HDAC2: variants seen among roughly 807,000 people sequenced by gnomAD.
HDAC2 encodes the protein YY1-associated factor 1.
A neutral mutation model predicts 68.5 loss-of-function variants in HDAC2; 5 were observed. That is an observed-to-expected ratio of 0.07 (90% CI 0.04 to 0.15). The LOEUF (loss-of-function observed/expected upper bound fraction) is 0.15. HDAC2 is among the 10% of genes least tolerant of loss of function. The probability of loss-of-function intolerance (pLI) is 1.00; values close to 1 mark genes in which losing one functional copy is unlikely to be tolerated. For synonymous variants in HDAC2, 182 were observed against 191.3 expected (o/e 0.95, Z 0.40); for missense variants, 291 against 600.8 (o/e 0.48, Z 5.39).
At chr6:113,970,689 A>G in intron 1 of HDAC2, 168 bp downstream of exon 1, 1 of 1,356,732 alleles carries the variant, frequency 7.4e-7, no homozygotes, top group Non-Finnish European at 9.4e-7. Context: ...CTGCGCCAGG[A>G]AGAGGGTCTC....
At chr6:113,969,634 T>C (rs567609467) in intron 1 of HDAC2, 1 of 152,318 alleles carries the variant, frequency 6.6e-6, no homozygotes, top group Admixed American at 6.5e-5. Flanking sequence ...TACCAAGCCT[T>C]TGTGAAATCT....
At chr6:113,961,842 G>A (rs1202673123) in intron 1 of HDAC2, among the ~76,000 whole-genome samples, 1 of 152,126 alleles carries the variant, frequency 6.6e-6, no homozygotes, top group African/African-American at 2.4e-5. Context: ...ATTCTATGAG[G>A]TTTCGTGGGA....
At chr6:113,955,375 G>A (rs928093268) in intron 5 of HDAC2, among the ~76,000 whole-genome samples, 18 of 151,936 alleles carry the variant, frequency 1.2e-4, no homozygotes, top group African/African-American at 3.4e-4. Flanking sequence ...CACCACGCCC[G>A]GCTAATTTTT....
chr6:113,956,294 T>C (rs1582489648), intron 4 of HDAC2, 143 bp from the exon 5 acceptor site: 2 of 676,450 alleles, frequency 3.0e-6, no homozygotes, highest in South Asian at 4.5e-5. Flanking sequence ...ATAACACAAA[T>C]AGGAGTTACT....
chr6:113,946,354 T>C (rs529086540), intron 8 of HDAC2: 132 of 381,314 alleles, frequency 3.5e-4, no homozygotes, highest in Non-Finnish European at 6.0e-4. Context: ...AAAATTAAGA[T>C]ATAACTAGCT....
intron 8 of HDAC2, chr6:113,946,721 A>G (rs980322087): frequency 6.6e-6 from 1 of 152,132 alleles, no homozygotes; most frequent in Non-Finnish European, 1.5e-5. Flanking sequence ...AACCTAACAT[A>G]AAAGTAAATA....
rs2114629384 is a variant in HDAC2 at position 113,970,641 on chromosome 6, G to A, written c.52+216C>T. 3.0e-6 allele frequency: 4 copies of A among 1,348,574 alleles called. No homozygotes were observed. In the East Asian group the frequency reaches 9.1e-5, roughly 31 times the overall value. The allele number at this position is 1,348,574 out of a possible 1,614,324, so 83.5% of individuals were successfully genotyped here. On this transcript the variant is annotated intron_variant, in intron 1 of 13. Coordinates refer to ENST00000519065, the MANE Select transcript of HDAC2 (RefSeq NM_001527.4). ...GGGGGAGAGGCAGGAGACAAGACGG[G>A]CGGGCCCCCTGATTCCCGCCCGCAG...
At chr6:113,958,182 C>G (rs909963338) in intron 3 of HDAC2, among the ~76,000 whole-genome samples, 5 of 152,118 alleles carry the variant, frequency 3.3e-5, no homozygotes, top group African/African-American at 1.2e-4. Flanking sequence ...ATACTTTTAA[C>G]CTGTACAAGA....
At chr6:113,943,162 G>C (rs1562140197) in intron 12 of HDAC2, among the ~76,000 whole-genome samples, 189 bp downstream of exon 12, 1 of 151,992 alleles carries the variant, frequency 6.6e-6, no homozygotes, top group Non-Finnish European at 1.5e-5. Context: ...AAAGCAAATA[G>C]GAACAATAAC....
At chr6:113,957,328 T>C (rs1776579125) in intron 3 of HDAC2, 1 of 152,288 alleles carries the variant, frequency 6.6e-6, no homozygotes, top group Admixed American at 6.5e-5. Context: ...ATGGCAGATG[T>C]ATGTAACCCT....
rs756178304 is a variant in HDAC2 at position 113,958,784 on chromosome 6, T to G, written c.166-18A>C. Reference sequence around the variant, plus strand: ...TGGGGCCTCTGTGAAGAGAAATAAATGTCAGAACTGTGGAATTACAACCGG... The same window carrying G: ...TGGGGCCTCTGTGAAGAGAAATAAAGGTCAGAACTGTGGAATTACAACCGG... On this transcript the variant is annotated intron_variant, in intron 2 of 13. Coordinates refer to ENST00000519065, the MANE Select transcript of HDAC2 (RefSeq NM_001527.4). 3.0e-6 allele frequency: 4 copies of G among 1,352,856 alleles called. No individual in the cohort carries two copies. In the Admixed American group the frequency reaches 5.1e-5, roughly 17 times the overall value. The allele number at this position is 1,352,856 out of a possible 1,614,324, so 83.8% of individuals were successfully genotyped here.
rs762732448 is a variant in HDAC2 at position 113,936,668 on chromosome 6, C to T, written c.*4390G>A. ...AAAAATTTAACACTTCCCCTGGCAC[C>T]ACTCTCACCCATCTATCTACCTTTA... is the stretch of plus-strand genomic sequence containing the variant. On this transcript the variant is annotated 3_prime_UTR_variant, in exon 14 of 14. Transcript: ENST00000519065. 1 of 152,212 alleles carries T rather than the reference C, an allele frequency of 6.6e-6. No homozygotes were observed. Among genetic ancestry groups the T allele is most frequent in the Non-Finnish European group, 1.5e-5 (1 of 68,100 alleles). 9.4% of individuals were successfully genotyped at this position (152,212 alleles called of 1,614,324 possible).
In HDAC2 at chr6:113,971,062, G is replaced by A; in HGVS notation, c.-154C>T. The A allele has an allele frequency of 6.4e-7, 1 of 1,559,098 alleles. No homozygotes were observed. The highest frequency in any genetic ancestry group is 1.2e-5 in the South Asian group (1 of 85,366). ...GGCAGGCCGGTGGGAGGAGAGGAGGGGGCGCCGGGAAGGCTCGGTACCACC... is the reference window on the plus strand; with the variant it reads ...GGCAGGCCGGTGGGAGGAGAGGAGGAGGCGCCGGGAAGGCTCGGTACCACC... On this transcript the variant is annotated 5_prime_UTR_variant, in exon 1 of 14. Coordinates refer to ENST00000519065, the MANE Select transcript of HDAC2 (RefSeq NM_001527.4).
intron 1 of HDAC2, among the ~76,000 whole-genome samples, chr6:113,967,598 T>C (rs1776854329): frequency 6.6e-6 from 1 of 152,214 alleles, no homozygotes; most frequent in South Asian, 2.1e-4. Flanking sequence ...ATAAACCCTA[T>C]TATACTGTAT....
At chr6:113,955,343 A>G (rs1285288784) in intron 5 of HDAC2, among the ~76,000 whole-genome samples, 2 of 151,834 alleles carry the variant, frequency 1.3e-5, no homozygotes, top group African/African-American at 4.8e-5. Context: ...CCTCCTGAGT[A>G]GCTGGGATTA....
intron 8 of HDAC2, chr6:113,948,289 A>G (rs1307560154): frequency 2.6e-5 from 4 of 152,226 alleles, no homozygotes; most frequent in Non-Finnish European, 5.9e-5. Flanking sequence ...GAACCAATAC[A>G]ACAGAAAAAA....
chr6:113,962,169 G>C (rs946563752), intron 1 of HDAC2, among the ~76,000 whole-genome samples: 2 of 151,258 alleles, frequency 1.3e-5, no homozygotes, highest in African/African-American at 4.9e-5. Flanking sequence ...TTTTAATCTT[G>C]TCAATAACCT....
In HDAC2 at chr6:113,953,436, A is replaced by C. The variant is rs747517838; in HGVS notation, c.498-18T>G. On this transcript the variant is annotated intron_variant, in intron 5 of 13. Transcript: ENST00000519065. ...GATGATACCTGAAAACAAATCCATA[A>C]GTTTTGGTTTTTCCTTTAAAGGTTC... 6.6e-7 allele frequency: 1 copy of C among 1,521,034 alleles called. No homozygotes were observed. The highest frequency in any genetic ancestry group is 1.9e-5 in the Admixed American group (1 of 53,750). 94.2% of individuals were successfully genotyped at this position (1,521,034 alleles called of 1,614,324 possible).
Position 113,940,508 on chromosome 6 carries a change from C to G in HDAC2, c.*550G>C, listed in dbSNP as rs1314560852. On this transcript the variant is annotated 3_prime_UTR_variant, in exon 14 of 14. Coordinates refer to ENST00000519065, the MANE Select transcript of HDAC2 (RefSeq NM_001527.4). ...GTTAATCTTCACTGATACTAACTGGCTAAGCTATAGAGGGCAAGGTGGTAG... is the reference window on the plus strand; with the variant it reads ...GTTAATCTTCACTGATACTAACTGGGTAAGCTATAGAGGGCAAGGTGGTAG... The G allele has an allele frequency of 6.6e-6, 1 of 152,240 alleles. No homozygotes were observed. The highest frequency in any genetic ancestry group is 1.5e-5 in the Non-Finnish European group (1 of 68,092). 9.4% of individuals were successfully genotyped at this position (152,240 alleles called of 1,614,324 possible). A position where few individuals can be genotyped will look rare whatever the true frequency, so the allele number is the denominator to read the frequency against.
Sources: gnomAD v4.1 joint callset for allele counts (sites outside exome capture counted in the v4.1 genomes callset) on GRCh38, gnomAD v4.1.1 for gene constraint, MANE v1.5 for transcripts, NCBI Gene and HGNC (gene_info 2026-07-23, HGNC 2026-07-21) for gene names.